CFAP221: variants seen among roughly 807,000 people sequenced by gnomAD.
CFAP221 encodes the protein cilia and flagella associated protein 221, also known as cilia- and flagella-associated protein 221.
In CFAP221, 97 loss-of-function variants were observed where a neutral mutation model predicts 113.1. That is an observed-to-expected ratio of 0.86 (90% CI 0.73 to 1.02). CFAP221 has a LOEUF of 1.02. Among genes scored for constraint, CFAP221 ranks in the 50% least tolerant of loss-of-function variants. CFAP221 has a pLI of 0.00. For synonymous variants in CFAP221, 331 were observed against 354.4 expected (o/e 0.93, Z 0.74); for missense variants, 1,025 against 1,013.4 (o/e 1.01, Z -0.16).
In CFAP221 at chr2:119,630,666, C is replaced by T; in HGVS notation, c.1828C>T (p.Gln610Ter). 1 of 1,612,810 alleles carries T rather than the reference C, an allele frequency of 6.2e-7. No individual in the cohort carries two copies. The highest frequency in any genetic ancestry group is 1.3e-5 in the African/African-American group (1 of 75,012). ...RPQKLARALKQGAEDEVTTIT... is the reference protein window; with the variant it reads ...RPQKLARALK Reference sequence around the variant, plus strand: ...TCAAAAGCTTGCCCGAGCCCTAAAGCAAGGAGCTGAGGTAACACACCCCCA... The same window carrying T: ...TCAAAAGCTTGCCCGAGCCCTAAAGTAAGGAGCTGAGGTAACACACCCCCA... Residue 610 changes from glutamine (Q) to a stop codon, truncating the protein, a stop_gained, in exon 18 of 24, where the codon CAA becomes TAA. Transcript: ENST00000413369. LOFTEE classifies it high-confidence loss of function.
intron 20 of CFAP221, among the ~76,000 whole-genome samples, chr2:119,639,261 A>G (rs1687325996): frequency 6.6e-6 from 1 of 152,128 alleles, no homozygotes. Flanking sequence ...CTGCTGTAGC[A>G]GCTCCAAGCT....
intron 23 of CFAP221, among the ~76,000 whole-genome samples, chr2:119,653,534 T>G (rs1364301010): frequency 6.6e-6 from 1 of 152,204 alleles, no homozygotes; most frequent in Non-Finnish European, 1.5e-5. Context: ...TCCGAGTAGA[T>G]GTACCATAAT....
In CFAP221 at chr2:119,639,880, C is replaced by G. The variant is rs200841331; in HGVS notation, c.2225+8C>G. 2.5e-6 allele frequency: 4 copies of G among 1,610,568 alleles called. No individual in the cohort carries two copies. The Admixed American group carries it at 6.7e-5, about 27-fold the overall frequency. On this transcript the variant is annotated splice_region_variant and intron_variant, in intron 21 of 23. Transcript: ENST00000413369. The stretch of plus-strand genomic sequence containing the variant: ...GATGGAGACCACAAAGAGGTAAGCA[C>G]AGCTCATCTGTTTGCTCACGAGTAT...
chr2:119,615,409 C>T (rs1521910), intron 13 of CFAP221, among the ~76,000 whole-genome samples: 150,907 of 152,324 alleles, frequency 0.99, 74,769 homozygotes, highest in East Asian at 1. Flanking sequence ...TAATCTTGTC[C>T]TCCACTTTTG....
intron 11 of CFAP221, 33 bp downstream of exon 11, chr2:119,605,322 C>T: frequency 6.8e-7 from 1 of 1,461,714 alleles, no homozygotes; most frequent in Non-Finnish European, 9.6e-7. Context: ...TATCAAGTGT[C>T]AGTACAGTTA....
At chr2:119,598,289 CT>C (rs1314129245) in intron 7 of CFAP221, among the ~76,000 whole-genome samples, 1 of 152,180 alleles carries the variant, frequency 6.6e-6, no homozygotes, top group African/African-American at 2.4e-5. Context: ...CTTTTAATAA[CT>C]TTTCATACTT....
At chr2:119,551,657 T>C (rs1299656520) in intron 3 of CFAP221, among the ~76,000 whole-genome samples, 1 of 152,210 alleles carries the variant, frequency 6.6e-6, no homozygotes, top group Non-Finnish European at 1.5e-5. Flanking sequence ...TTACTGTAGC[T>C]TGTGGTAAAT....
chr2:119,624,278 A>G (rs762512716), intron 14 of CFAP221, among the ~76,000 whole-genome samples: 1 of 152,264 alleles, frequency 6.6e-6, no homozygotes, highest in Non-Finnish European at 1.5e-5. Context: ...ACAGCTCATC[A>G]TCACTGGTCA....
At chr2:119,584,946 T>A (rs529552368) in intron 6 of CFAP221, among the ~76,000 whole-genome samples, 9 of 152,356 alleles carry the variant, frequency 5.9e-5, no homozygotes, top group African/African-American at 2.2e-4. Flanking sequence ...GGGTTATTCC[T>A]AAAGTAGCTC....
At chr2:119,608,654 C>T in intron 12 of CFAP221, 65 bp downstream of exon 12, 17 of 1,368,272 alleles carry the variant, frequency 1.2e-5, no homozygotes, top group Non-Finnish European at 1.8e-5. Context: ...CTACTATATG[C>T]AAGATGCCAG....
chr2:119,652,293 A>G (rs1316182849), intron 23 of CFAP221, among the ~76,000 whole-genome samples: 1 of 152,230 alleles, frequency 6.6e-6, no homozygotes, highest in East Asian at 1.9e-4. Flanking sequence ...TCAATTTTCC[A>G]TGTGCTTATC....
Position 119,549,708 on chromosome 2 carries a change from C to T in CFAP221, c.240+523C>T, listed in dbSNP as rs576980701. 6.4e-4 allele frequency among the ~76,000 whole-genome samples: 98 copies of T among 152,296 alleles called. 1 individual carries two copies. The highest frequency in any genetic ancestry group is 2.2e-3 in the African/African-American group (92 of 41,554). On this transcript the variant is annotated intron_variant, in intron 3 of 23. Transcript: ENST00000413369. ...AAGCTCCAGCCAGGGCTTCCTTTTA[C>T]CTGCGTGGGTCAGATGCCCATGCCT...
chr2:119,638,793 G>T, intron 20 of CFAP221, among the ~76,000 whole-genome samples: 1 of 152,118 alleles, frequency 6.6e-6, no homozygotes, highest in East Asian at 1.9e-4. Context: ...AAGTAGTGGA[G>T]TGACACATGC....
At chr2:119,657,693 C>T (rs1355639228), downstream of CFAP221, among the ~76,000 whole-genome samples, 3 of 152,150 alleles carry the variant, frequency 2.0e-5, no homozygotes, top group South Asian at 4.1e-4. Flanking sequence ...GTCCACACTG[C>T]GATTGGTCAA....
intron 8 of CFAP221, among the ~76,000 whole-genome samples, chr2:119,603,413 C>T (rs982546289): frequency 1.3e-5 from 2 of 152,212 alleles, no homozygotes; most frequent in Non-Finnish European, 2.9e-5. Flanking sequence ...CAGAGCATGT[C>T]GGTGGGTGGG....
At chr2:119,648,049 A>G (rs868559441) in intron 22 of CFAP221, among the ~76,000 whole-genome samples, 41 of 152,324 alleles carry the variant, frequency 2.7e-4, no homozygotes, top group African/African-American at 7.5e-4. Context: ...TTCAAATGGA[A>G]TGATCCCAGG....
intron 19 of CFAP221, among the ~76,000 whole-genome samples, chr2:119,636,864 A>G (rs1687147566): frequency 6.6e-6 from 1 of 152,122 alleles, no homozygotes; most frequent in Non-Finnish European, 1.5e-5. Flanking sequence ...GATGACAACT[A>G]TGGGAGACAG....
downstream of CFAP221, among the ~76,000 whole-genome samples, chr2:119,659,529 G>T (rs115886480): frequency 6.6e-6 from 1 of 152,178 alleles, no homozygotes; most frequent in Non-Finnish European, 1.5e-5. Context: ...TCTCCATTCC[G>T]CCATCTTGCT....
chr2:119,644,132 A>G (rs1687658702), intron 21 of CFAP221, among the ~76,000 whole-genome samples: 1 of 152,154 alleles, frequency 6.6e-6, no homozygotes, highest in Non-Finnish European at 1.5e-5. Flanking sequence ...CCGCCTGGGC[A>G]GTGAAACAAG....
Sources: gnomAD v4.1 joint callset for allele counts (sites outside exome capture counted in the v4.1 genomes callset) on GRCh38, gnomAD v4.1.1 for gene constraint, MANE v1.5 for transcripts, NCBI Gene and HGNC (gene_info 2026-07-23, HGNC 2026-07-21) for gene names.